GAS7: variants seen among roughly 807,000 people sequenced by gnomAD.
GAS7 encodes the protein growth arrest-specific protein 7.
Under a neutral mutation model 71.1 loss-of-function variants are expected in GAS7, and 28 were observed. That is an observed-to-expected ratio of 0.39 (90% CI 0.29 to 0.54). The LOEUF is 0.54. GAS7 is among the 20% of genes least tolerant of loss of function. The pLI, the probability that GAS7 is intolerant of heterozygous loss-of-function variation, is 0.62. For missense variants in GAS7, 436 were observed against 627.8 expected (o/e 0.69, Z 3.27); for synonymous variants, 258 against 245.8 (o/e 1.05, Z -0.46).
chr17:9,948,591 G>C (rs570433231), intron 5 of GAS7, among the ~76,000 whole-genome samples: 4 of 152,176 alleles, frequency 2.6e-5, no homozygotes, highest in Non-Finnish European at 5.9e-5. Flanking sequence ...GCTGAGGCAG[G>C]AGAATCGCTT....
chr17:10,183,161 C>T (rs951093029), intron 1 of GAS7, among the ~76,000 whole-genome samples: 1 of 151,938 alleles, frequency 6.6e-6, no homozygotes, highest in Non-Finnish European at 1.5e-5. Flanking sequence ...ATGCAACTCC[C>T]CAAGTGTTAT....
At chr17:9,988,591 G>A (rs977842704) in intron 2 of GAS7, among the ~76,000 whole-genome samples, 11 of 152,116 alleles carry the variant, frequency 7.2e-5, no homozygotes, top group African/African-American at 2.7e-4. Flanking sequence ...AATGGCTGAG[G>A]CAGGAGAATT....
chr17:9,968,030 T>C (rs1567835256), intron 4 of GAS7, among the ~76,000 whole-genome samples: 2 of 152,224 alleles, frequency 1.3e-5, no homozygotes, highest in African/African-American at 4.8e-5. Flanking sequence ...TGGGGAGCTG[T>C]TTCTCATATT....
intron 2 of GAS7, among the ~76,000 whole-genome samples, chr17:10,012,246 T>C (rs1449674237): frequency 2.0e-5 from 3 of 152,204 alleles, no homozygotes; most frequent in Admixed American, 1.3e-4. Context: ...ATGACTATAT[T>C]AAGTGAAGAA....
intron 1 of GAS7, among the ~76,000 whole-genome samples, chr17:10,066,337 C>T (rs1384247573): frequency 1.3e-5 from 2 of 152,170 alleles, no homozygotes; most frequent in South Asian, 2.1e-4. Context: ...TGCGTCACCA[C>T]GCCTAGCTAA....
chr17:10,090,345 A>C (rs566354576), intron 1 of GAS7, among the ~76,000 whole-genome samples: 5 of 152,328 alleles, frequency 3.3e-5, no homozygotes, highest in Non-Finnish European at 5.9e-5. Context: ...ATGAGGAAAG[A>C]ACACACACCA....
intron 12 of GAS7, 130 bp from the exon 13 acceptor site, chr17:9,918,229 G>A (rs1170225884): frequency 1.2e-5 from 8 of 641,826 alleles, no homozygotes; most frequent in Non-Finnish European, 2.2e-5. Context: ...GGGGTCTGAT[G>A]AAGAGCGTGC....
At chr17:9,988,719 A>G (rs1289285434) in intron 2 of GAS7, among the ~76,000 whole-genome samples, 2 of 152,052 alleles carry the variant, frequency 1.3e-5, no homozygotes, top group Non-Finnish European at 2.9e-5. Context: ...TTAAATCACA[A>G]CCACAGTTTC....
intron 2 of GAS7, among the ~76,000 whole-genome samples, chr17:10,005,108 T>TGTGC (rs1168993667): frequency 6.6e-6 from 1 of 151,572 alleles, no homozygotes; most frequent in Non-Finnish European, 1.5e-5. Context: ...CATGCATGTG[T>TGTGC]GTGCGTGTGC....
rs111860547 is a variant in GAS7, at chr17:9,926,825, T to C, written c.886-56A>G. 1.3e-6 allele frequency: 2 copies of C among 1,599,512 alleles called. No homozygotes were observed. Among genetic ancestry groups the C allele is most frequent in the African/African-American group, 1.3e-5 (1 of 74,656 alleles). ...ACCCAGGGCATCAGCTGTAAGCCAGTGCAGGGAGGAGGGATGGGAGGGGCA... is the reference window on the plus strand; with the variant it reads ...ACCCAGGGCATCAGCTGTAAGCCAGCGCAGGGAGGAGGGATGGGAGGGGCA... On this transcript the variant is annotated intron_variant, in intron 9 of 13. Coordinates refer to ENST00000432992, the MANE Select transcript of GAS7 (RefSeq NM_201433.2). The surrounding 1 kb of genome is among the most constrained non-coding windows in gnomAD (Gnocchi z 5.0).
At chr17:10,004,010 G>A (rs954635364) in intron 2 of GAS7, among the ~76,000 whole-genome samples, 13 of 152,196 alleles carry the variant, frequency 8.5e-5, no homozygotes, top group African/African-American at 2.9e-4. Flanking sequence ...GGGAGGCACC[G>A]TCTCAAACAC....
intron 1 of GAS7, among the ~76,000 whole-genome samples, chr17:10,029,921 C>A (rs1256336407): frequency 1.3e-5 from 2 of 152,116 alleles, no homozygotes; most frequent in East Asian, 3.9e-4. Flanking sequence ...AGGAGGAACA[C>A]TGAGATCATG....
intron 1 of GAS7, among the ~76,000 whole-genome samples, chr17:10,023,819 C>A (rs990981975): frequency 6.6e-6 from 1 of 151,966 alleles, no homozygotes; most frequent in African/African-American, 2.4e-5. Flanking sequence ...GTGTATTGTA[C>A]CACAATTAAA....
intron 3 of GAS7, among the ~76,000 whole-genome samples, chr17:9,978,122 G>A (rs1239341769): frequency 6.6e-6 from 1 of 152,066 alleles, no homozygotes; most frequent in African/African-American, 2.4e-5. Context: ...GCTGAGGTGA[G>A]AGAATCCCTC....
At chr17:10,072,345 G>A (rs2073349605) in intron 1 of GAS7, among the ~76,000 whole-genome samples, 1 of 152,176 alleles carries the variant, frequency 6.6e-6, no homozygotes, top group Non-Finnish European at 1.5e-5. Flanking sequence ...GCCCCTGCTG[G>A]CAGCCCCAGC....
rs733804 is a variant in GAS7, at chr17:9,943,407, C to A, written c.616-171G>T. Reference sequence around the variant, plus strand: ...ACTCGGATCTCTCTCCTGGTGCCCCCACTCCCAACAGCGCTTTCTGATGCT... The same window carrying A: ...ACTCGGATCTCTCTCCTGGTGCCCCAACTCCCAACAGCGCTTTCTGATGCT... On this transcript the variant is annotated intron_variant, in intron 6 of 13. Transcript: ENST00000432992. Among the ~76,000 whole-genome samples the A allele has an allele frequency of 0.35, 53,612 of 151,900 alleles. 9,944 individuals carry two copies. The highest frequency in any genetic ancestry group is 0.44 in the African/African-American group (18,166 of 41,436).
chr17:10,070,133 G>A (rs768192999), intron 1 of GAS7, among the ~76,000 whole-genome samples: 2 of 151,954 alleles, frequency 1.3e-5, no homozygotes, highest in African/African-American at 2.4e-5. Flanking sequence ...GCCCTGTTGA[G>A]CTCATTAGTC....
At chr17:10,194,440 A>T (rs2074525168) in intron 1 of GAS7, among the ~76,000 whole-genome samples, 1 of 152,140 alleles carries the variant, frequency 6.6e-6, no homozygotes. Flanking sequence ...TCCTGGTACC[A>T]TGTCTTTCTC....
intron 1 of GAS7, among the ~76,000 whole-genome samples, chr17:10,149,318 G>A (rs2074146483): frequency 6.6e-6 from 1 of 152,110 alleles, no homozygotes; most frequent in Non-Finnish European, 1.5e-5. Context: ...AGCCAGGCTG[G>A]TCCCAAACTC....
Sources: allele counts gnomAD v4.1 joint callset (sites outside exome capture counted in the v4.1 genomes callset), GRCh38; gene constraint gnomAD v4.1.1; non-coding constraint Gnocchi (gnomAD v3.1); transcripts MANE v1.5; gene names NCBI Gene and HGNC (gene_info 2026-07-23, HGNC 2026-07-21).